Variants in NOS1AP observed in about 807,000 individuals in gnomAD.
The protein encoded by NOS1AP is nitric oxide synthase 1 adaptor protein, also known as carboxyl-terminal PDZ ligand of neuronal nitric oxide synthase protein.
Under a neutral mutation model 56.2 loss-of-function variants are expected in NOS1AP, and 21 were observed. That is an observed-to-expected ratio of 0.37 (90% CI 0.26 to 0.54). The LOEUF (loss-of-function observed/expected upper bound fraction) is 0.54, where lower values mean the gene tolerates loss of function less well. Among genes scored for constraint, NOS1AP ranks in the 20% least tolerant of loss-of-function variants. NOS1AP has a pLI of 0.84. For synonymous variants in NOS1AP, 270 were observed against 274.6 expected, an observed-to-expected ratio of 0.98 and a Z score of 0.17; for missense variants, 522 against 657.8, an observed-to-expected ratio of 0.79 and a Z score of 2.26.
intron 2 of NOS1AP, among the ~76,000 whole-genome samples, chr1:162,203,302 G>T (rs1488094105): frequency 2.6e-5 from 4 of 152,134 alleles, no homozygotes; most frequent in African/African-American, 9.7e-5. Context: ...GTGATGTAGT[G>T]CAGTGAGCCT....
intron 8 of NOS1AP, chr1:162,365,070 G>A: frequency 2.4e-6 from 3 of 1,273,824 alleles, no homozygotes; most frequent in Non-Finnish European, 2.0e-6. Flanking sequence ...GTGTGTGTGT[G>A]TATATGTGCA....
chr1:162,207,319 G>A (rs1293520689), intron 2 of NOS1AP, among the ~76,000 whole-genome samples: 1 of 152,192 alleles, frequency 6.6e-6, no homozygotes, highest in Non-Finnish European at 1.5e-5. Flanking sequence ...CTACCCACGC[G>A]ACACCTCCGC....
chr1:162,218,045 T>C (rs764520361), intron 2 of NOS1AP, among the ~76,000 whole-genome samples: 10 of 152,198 alleles, frequency 6.6e-5, no homozygotes, highest in Non-Finnish European at 1.3e-4. Context: ...ACTAACTTCC[T>C]TTAAGTATCA....
intron 1 of NOS1AP, among the ~76,000 whole-genome samples, chr1:162,105,377 A>G (rs1647454619): frequency 6.6e-6 from 1 of 152,196 alleles, no homozygotes; most frequent in African/African-American, 2.4e-5. Context: ...CCCAGTCAGG[A>G]GGAATGGGAT....
intron 2 of NOS1AP, among the ~76,000 whole-genome samples, chr1:162,163,206 C>T (rs780546247): frequency 2.6e-5 from 4 of 152,122 alleles, no homozygotes; most frequent in Non-Finnish European, 4.4e-5. Context: ...CATTTAAACA[C>T]GGGGTGTTTG....
intron 2 of NOS1AP, among the ~76,000 whole-genome samples, chr1:162,264,530 CAG>C (rs1200198329): frequency 1.4e-5 from 2 of 143,936 alleles, no homozygotes; most frequent in Admixed American, 1.4e-4. Context: ...TTTTTTGAGA[CAG>C]AGTCTCACTG....
At chr1:162,301,118 A>G (rs554701403) in intron 4 of NOS1AP, among the ~76,000 whole-genome samples, 1 of 152,278 alleles carries the variant, frequency 6.6e-6, no homozygotes, top group East Asian at 1.9e-4. Flanking sequence ...AACTGAGCAT[A>G]GTAATAAGAG....
intron 1 of NOS1AP, among the ~76,000 whole-genome samples, chr1:162,099,278 C>T (rs1003361552): frequency 1.8e-4 from 27 of 151,654 alleles, no homozygotes; most frequent in African/African-American, 4.6e-4. Context: ...AGCTCCGCCT[C>T]GCGGGTTCAC....
At chr1:162,308,684 G>A (rs1237205277) in intron 4 of NOS1AP, among the ~76,000 whole-genome samples, 1 of 152,188 alleles carries the variant, frequency 6.6e-6, no homozygotes. Context: ...TGCTGTACAG[G>A]AGATGTGCTT....
intron 4 of NOS1AP, among the ~76,000 whole-genome samples, chr1:162,321,185 G>A (rs1011381838): frequency 6.6e-6 from 1 of 152,138 alleles, no homozygotes; most frequent in Non-Finnish European, 1.5e-5. Flanking sequence ...TGTTGAGTAG[G>A]GAATCCTTTC....
chr1:162,311,803 A>G lies in NOS1AP; in HGVS notation c.344+11097A>G, dbSNP rs961873351. Among the ~76,000 whole-genome samples, 7 of 145,758 alleles carry G rather than the reference A, an allele frequency of 4.8e-5. 1 individual carries two copies. The highest frequency in any genetic ancestry group is 2.1e-4 in the Admixed American group (3 of 14,514). ...TGTGTCCATGTGATCTCATTGTTCA[A>G]TTCCCACCTATGAGTGAGAATATGC... On this transcript the variant is annotated intron_variant, in intron 4 of 9. Coordinates refer to ENST00000361897, the MANE Select transcript of NOS1AP (RefSeq NM_014697.3).
At position 162,112,442 on chromosome 1, in the gene NOS1AP, C is replaced by T. The variant is rs72713872; in HGVS notation, c.106-41963C>T. Reference sequence around the variant, plus strand: ...GGGCTTTGACTGTGTAGCCTTGGCCCCCTCTTCAAACCCCTCTGGGTTCCA... The same window carrying T: ...GGGCTTTGACTGTGTAGCCTTGGCCTCCTCTTCAAACCCCTCTGGGTTCCA... On this transcript the variant is annotated intron_variant, in intron 1 of 9. Coordinates refer to ENST00000361897, the MANE Select transcript of NOS1AP (RefSeq NM_014697.3). Among the ~76,000 whole-genome samples, 1,302 of 152,252 alleles carry T rather than the reference C, an allele frequency of 8.6e-3. 11 individuals carry two copies. The highest frequency in any genetic ancestry group is 0.022 in the South Asian group (107 of 4,824).
chr1:162,113,575 T>C (rs1647797102), intron 1 of NOS1AP, among the ~76,000 whole-genome samples: 1 of 152,110 alleles, frequency 6.6e-6, no homozygotes. Context: ...CTTATGATCA[T>C]GGCAGAAGGC....
intron 1 of NOS1AP, among the ~76,000 whole-genome samples, chr1:162,094,532 G>A (rs1469078937): frequency 6.6e-6 from 1 of 152,172 alleles, no homozygotes; most frequent in Non-Finnish European, 1.5e-5. Context: ...TCATGTTGAT[G>A]GATGGATGGT....
At chr1:162,308,462 C>G (rs1304284246) in intron 4 of NOS1AP, among the ~76,000 whole-genome samples, 5 of 152,120 alleles carry the variant, frequency 3.3e-5, no homozygotes, top group Non-Finnish European at 7.4e-5. Flanking sequence ...AGGCCCACAA[C>G]ACCTAGTGTC....
intron 1 of NOS1AP, among the ~76,000 whole-genome samples, chr1:162,094,215 T>C (rs1692189975): frequency 6.6e-6 from 1 of 152,218 alleles, no homozygotes; most frequent in Non-Finnish European, 1.5e-5. Flanking sequence ...TGCCTCACTC[T>C]GAAAGTGAAC....
At chr1:162,182,283 A>T (rs1651288843) in intron 2 of NOS1AP, among the ~76,000 whole-genome samples, 1 of 152,252 alleles carries the variant, frequency 6.6e-6, no homozygotes. Context: ...AATACTGTCA[A>T]GTTGGTACAG....
intron 1 of NOS1AP, among the ~76,000 whole-genome samples, chr1:162,132,432 T>C (rs926826142): frequency 1.3e-5 from 2 of 152,136 alleles, no homozygotes; most frequent in African/African-American, 4.8e-5. Context: ...CTCGATAAGA[T>C]CCTCATAGGA....
At chr1:162,166,116 C>T (rs1411124903) in intron 2 of NOS1AP, among the ~76,000 whole-genome samples, 1 of 152,130 alleles carries the variant, frequency 6.6e-6, no homozygotes, top group East Asian at 1.9e-4. Context: ...CGTGTCTCTC[C>T]CTATTCCTTC....
Sources: allele counts gnomAD v4.1 joint callset (sites outside exome capture counted in the v4.1 genomes callset), GRCh38; gene constraint gnomAD v4.1.1; transcripts MANE v1.5; gene names NCBI Gene and HGNC (gene_info 2026-07-23, HGNC 2026-07-21).